GPR39: variants seen among roughly 807,000 people sequenced by gnomAD.
GPR39 encodes G protein-coupled receptor 39, also known as zinc sensing receptor.
GPR39 carries 23 observed loss-of-function variants against 18.4 expected under a neutral mutation model. That is an observed-to-expected ratio of 1.25 (90% CI 0.90 to 1.77). The LOEUF is 1.77. GPR39 is among the 40% of genes most tolerant of loss of function. The pLI, the probability that GPR39 is intolerant of heterozygous loss-of-function variation, is 0.00. For missense variants in GPR39, 647 were observed against 602.4 expected, an observed-to-expected ratio of 1.07 and a Z score of -0.78; for synonymous variants, 280 against 257.9, an observed-to-expected ratio of 1.09 and a Z score of -0.82.
At chr2:132,420,026 A>C (rs1679978456) in intron 1 of GPR39, among the ~76,000 whole-genome samples, 1 of 152,222 alleles carries the variant, frequency 6.6e-6, no homozygotes, top group African/African-American at 2.4e-5. Context: ...TTAGAGATGG[A>C]TAGGACCTTG....
chr2:132,633,185 G>T (rs1342218076), intron 1 of GPR39, among the ~76,000 whole-genome samples: 2 of 152,322 alleles, frequency 1.3e-5, no homozygotes, highest in East Asian at 3.9e-4. Context: ...CGGGAAGCAT[G>T]TGAGCACAGG....
chr2:132,446,972 C>T (rs1191934106), intron 1 of GPR39, among the ~76,000 whole-genome samples: 1 of 152,078 alleles, frequency 6.6e-6, no homozygotes, highest in Non-Finnish European at 1.5e-5. Flanking sequence ...CAGCCAGGTC[C>T]CAAGGGGCAT....
intron 1 of GPR39, among the ~76,000 whole-genome samples, chr2:132,506,325 G>C (rs1047426252): frequency 2.0e-5 from 3 of 151,826 alleles, no homozygotes; most frequent in African/African-American, 7.3e-5. Context: ...TGAACAGTTG[G>C]CAAATATTAT....
intron 1 of GPR39, among the ~76,000 whole-genome samples, chr2:132,631,909 G>A (rs1204855195): frequency 6.7e-6 from 1 of 150,308 alleles, no homozygotes; most frequent in Non-Finnish European, 1.5e-5. Context: ...TGCAACCTCT[G>A]CCTCCTGGTT....
chr2:132,625,589 G>GA (rs999724364), intron 1 of GPR39, among the ~76,000 whole-genome samples: 9 of 152,138 alleles, frequency 5.9e-5, no homozygotes, highest in Non-Finnish European at 1.2e-4. Context: ...AGAAGGGGGG[G>GA]AAATGCCATG....
At chr2:132,470,586 G>A (rs1217654176) in intron 1 of GPR39, among the ~76,000 whole-genome samples, 1 of 152,146 alleles carries the variant, frequency 6.6e-6, no homozygotes, top group South Asian at 2.1e-4. Context: ...AGTAAAGGGT[G>A]AGCCATTGTG....
chr2:132,536,962 C>T (rs997156636), intron 1 of GPR39, among the ~76,000 whole-genome samples: 1 of 152,098 alleles, frequency 6.6e-6, no homozygotes, highest in Admixed American at 6.5e-5. Flanking sequence ...CTGTGTGTGT[C>T]CCTGCATGTG....
intron 1 of GPR39, among the ~76,000 whole-genome samples, chr2:132,581,729 C>A (rs965158949): frequency 1.3e-5 from 2 of 152,122 alleles, no homozygotes; most frequent in East Asian, 3.9e-4. Context: ...TATAAAGAAA[C>A]CAATTTGATC....
rs1247324439 is a variant in GPR39, at chr2:132,645,765, A to G, written c.*159A>G. On this transcript the variant is annotated 3_prime_UTR_variant, in exon 2 of 2. Transcript: ENST00000329321. ...CCACCTCAGTGACTTCTAAGGACTG[A>G]CTCTGCCAGCCTGGCCTTGACTCCG... The G allele has an allele frequency of 9.5e-7, 1 of 1,052,762 alleles. No individual in the cohort carries two copies. The highest frequency in any genetic ancestry group is 2.6e-5 in the East Asian group (1 of 38,498). 65.2% of individuals were successfully genotyped at this position (1,052,762 alleles called of 1,614,324 possible).
intron 1 of GPR39, among the ~76,000 whole-genome samples, chr2:132,507,641 T>C (rs545823503): frequency 3.9e-5 from 6 of 152,304 alleles, no homozygotes; most frequent in African/African-American, 1.4e-4. Context: ...CCCACAAAAC[T>C]GACCTCATCC....
chr2:132,504,900 T>C (rs1679107471), intron 1 of GPR39, among the ~76,000 whole-genome samples: 1 of 152,184 alleles, frequency 6.6e-6, no homozygotes, highest in African/African-American at 2.4e-5. Flanking sequence ...CACGACCTAT[T>C]CTATATTTGG....
chr2:132,499,205 G>A (rs1157279214), intron 1 of GPR39, among the ~76,000 whole-genome samples: 1 of 152,296 alleles, frequency 6.6e-6, no homozygotes, highest in Non-Finnish European at 1.5e-5. Flanking sequence ...TTAGATTTAA[G>A]TCTTTGATCC....
chr2:132,524,449 C>T (rs1362245270), intron 1 of GPR39, among the ~76,000 whole-genome samples: 1 of 152,190 alleles, frequency 6.6e-6, no homozygotes, highest in Non-Finnish European at 1.5e-5. Context: ...TCCCATCTAG[C>T]TGTCTCTGAT....
chr2:132,598,065 G>A (rs1228119766), intron 1 of GPR39, among the ~76,000 whole-genome samples: 1 of 152,220 alleles, frequency 6.6e-6, no homozygotes, highest in Non-Finnish European at 1.5e-5. Context: ...CGGGGCCACA[G>A]AAAATGCAGG....
At chr2:132,518,386 C>A (rs552205993) in intron 1 of GPR39, among the ~76,000 whole-genome samples, 1 of 152,270 alleles carries the variant, frequency 6.6e-6, no homozygotes, top group African/African-American at 2.4e-5. Context: ...ACAGCAAAAT[C>A]AGCTCACTAT....
intron 1 of GPR39, among the ~76,000 whole-genome samples, chr2:132,591,266 A>C (rs911688022): frequency 3.3e-5 from 4 of 120,540 alleles, no homozygotes; most frequent in Non-Finnish European, 4.9e-5. Flanking sequence ...TCAAAAAAAA[A>C]AAAAAAAAAA....
chr2:132,555,490 G>T (rs1335391811), intron 1 of GPR39, among the ~76,000 whole-genome samples: 4 of 152,302 alleles, frequency 2.6e-5, no homozygotes, highest in African/African-American at 9.6e-5. Context: ...TGGCAAGTTG[G>T]TGCTGGGGCT....
chr2:132,419,398 G>A (rs1184306296), intron 1 of GPR39, among the ~76,000 whole-genome samples: 2 of 152,124 alleles, frequency 1.3e-5, no homozygotes, highest in Non-Finnish European at 2.9e-5. Flanking sequence ...AGAAATGCAT[G>A]TCTGTTTGTG....
intron 1 of GPR39, among the ~76,000 whole-genome samples, chr2:132,547,225 T>C (rs1386578114): frequency 6.6e-6 from 1 of 152,208 alleles, no homozygotes; most frequent in Non-Finnish European, 1.5e-5. Context: ...AATTGATAAG[T>C]AATTGAAATT....
Sources: allele counts gnomAD v4.1 joint callset (sites outside exome capture counted in the v4.1 genomes callset), GRCh38; gene constraint gnomAD v4.1.1; transcripts MANE v1.5; gene names NCBI Gene and HGNC (gene_info 2026-07-23, HGNC 2026-07-21).